The following CDH18 variants were observed in gnomAD, a reference collection of about 807,000 sequenced individuals.
CDH18 encodes cadherin 18.
In CDH18, 31 loss-of-function variants were observed where a neutral mutation model predicts 67.9. That is an observed-to-expected ratio of 0.46 (90% CI 0.34 to 0.62). The LOEUF is 0.62. Among genes scored for constraint, CDH18 ranks in the 20% least tolerant of loss-of-function variants. The probability of loss-of-function intolerance (pLI) is 0.01; values close to 1 mark genes in which losing one functional copy is unlikely to be tolerated. For synonymous variants in CDH18, 362 were observed against 347.2 expected (o/e 1.04, Z -0.48); for missense variants, 890 against 975.5 (o/e 0.91, Z 1.17).
chr5:20,211,905 G>A (rs1051413003), intron 2 of CDH18, among the ~76,000 whole-genome samples: 1 of 152,086 alleles, frequency 6.6e-6, no homozygotes, highest in Admixed American at 6.6e-5. Context: ...TACCAGCAAT[G>A]GAACAGAGCT....
At chr5:20,522,551 C>T (rs960553953) in intron 1 of CDH18, among the ~76,000 whole-genome samples, 2 of 152,170 alleles carry the variant, frequency 1.3e-5, no homozygotes, top group East Asian at 3.9e-4. Context: ...TATGAATTAT[C>T]CAAAGGGAAT....
At chr5:20,442,175 C>T (rs10069569) in intron 1 of CDH18, among the ~76,000 whole-genome samples, 5,777 of 151,844 alleles carry the variant, frequency 0.038, 495 homozygotes, top group African/African-American at 0.13. Context: ...CCTGGTAACA[C>T]GGTTGGCTTA....
chr5:20,378,250 A>G (rs1399432819), intron 1 of CDH18, among the ~76,000 whole-genome samples: 1 of 152,008 alleles, frequency 6.6e-6, no homozygotes, highest in African/African-American at 2.4e-5. Context: ...CGGCTCCCTG[A>G]AAGCTCCGCC....
At chr5:19,809,035 T>G (rs938225581) in intron 3 of CDH18, among the ~76,000 whole-genome samples, 2 of 152,034 alleles carry the variant, frequency 1.3e-5, no homozygotes, top group African/African-American at 4.8e-5. Flanking sequence ...AAAATATTAT[T>G]TAATACAAAT....
intron 3 of CDH18, among the ~76,000 whole-genome samples, chr5:19,756,599 T>C (rs546542962): frequency 6.6e-6 from 1 of 152,232 alleles, no homozygotes; most frequent in Non-Finnish European, 1.5e-5. Flanking sequence ...AGTAGTGGAC[T>C]GATTTCATCT....
At chr5:20,434,035 C>T (rs888098390) in intron 1 of CDH18, among the ~76,000 whole-genome samples, 1 of 152,060 alleles carries the variant, frequency 6.6e-6, no homozygotes, top group Non-Finnish European at 1.5e-5. Context: ...CTCCCTGGTA[C>T]TAGGAATGTT....
At chr5:19,979,273 T>C (rs1286209786) in intron 2 of CDH18, among the ~76,000 whole-genome samples, 1 of 151,522 alleles carries the variant, frequency 6.6e-6, no homozygotes, top group Non-Finnish European at 1.5e-5. Flanking sequence ...CTTGGGATAG[T>C]TGTATGAAGG....
rs556911122 is a variant in CDH18 at position 19,633,838 on chromosome 5, C to T, written c.644-21237G>A. Among the ~76,000 whole-genome samples, 210 of 152,144 alleles carry T rather than the reference C, an allele frequency of 1.4e-3. 3 individuals carry two copies. Among genetic ancestry groups the T allele is most frequent in the Admixed American group, 0.014 (207 of 15,270 alleles). Reference sequence around the variant, plus strand: ...GTAGAGAAGGGGTTTCATCATGTTGCCCAGGCTGGCCTCGAACTCCTGAGC... The same window carrying T: ...GTAGAGAAGGGGTTTCATCATGTTGTCCAGGCTGGCCTCGAACTCCTGAGC... On this transcript the variant is annotated intron_variant, in intron 5 of 12. Transcript: ENST00000382275.
chr5:20,018,223 T>C (rs10473275), intron 2 of CDH18, among the ~76,000 whole-genome samples: 5,326 of 152,312 alleles, frequency 0.035, 313 homozygotes, highest in African/African-American at 0.12. Context: ...GATTAATGCA[T>C]TGTAAATCCA....
rs1175439813 is a variant in CDH18, at chr5:19,507,620, C to CTGGA, written c.1513-4515_1513-4512dup. 3.0e-4 allele frequency among the ~76,000 whole-genome samples: 45 copies of CTGGA among 152,178 alleles called. 1 individual carries two copies. Among genetic ancestry groups the CTGGA allele is most frequent in the Admixed American group, 2.4e-3 (37 of 15,260 alleles). On this transcript the variant is annotated intron_variant, in intron 10 of 12. Coordinates refer to ENST00000382275, the MANE Select transcript of CDH18 (RefSeq NM_004934.5). ...GTCCTTTGTAGGGACATGGATGAAG[C>CTGGA]TGGAAACCGTCATTCTGAGCAAACT...
At chr5:19,591,820 T>C (rs1745189484) in intron 6 of CDH18, among the ~76,000 whole-genome samples, 1 of 152,084 alleles carries the variant, frequency 6.6e-6, no homozygotes, top group Admixed American at 6.6e-5. Context: ...AAAAAGGATT[T>C]GAGGTGGCTT....
chr5:20,155,289 C>A (rs1347768216), intron 2 of CDH18, among the ~76,000 whole-genome samples: 1 of 152,060 alleles, frequency 6.6e-6, no homozygotes, highest in Non-Finnish European at 1.5e-5. Context: ...CCTCTCAAAG[C>A]AAATTTGTGT....
At chr5:20,317,941 G>T (rs1350414721) in intron 1 of CDH18, among the ~76,000 whole-genome samples, 1 of 152,130 alleles carries the variant, frequency 6.6e-6, no homozygotes, top group Non-Finnish European at 1.5e-5. Flanking sequence ...AACTAATTTT[G>T]TAAACTGCTG....
chr5:20,534,289 TG>T (rs928592395), intron 1 of CDH18, among the ~76,000 whole-genome samples: 11 of 152,096 alleles, frequency 7.2e-5, no homozygotes, highest in African/African-American at 2.7e-4. Context: ...TACAAGTAAG[TG>T]CTTCTTTCAT....
At chr5:20,055,990 C>CTTTTT (rs34736791) in intron 2 of CDH18, among the ~76,000 whole-genome samples, 159 of 73,820 alleles carry the variant, frequency 2.2e-3, no homozygotes, top group Middle Eastern at 9.8e-3. Flanking sequence ...TTTTGGTTTC[C>CTTTTT]TTTTTTTTTT....
At chr5:19,735,276 T>G (rs1768151530) in intron 4 of CDH18, among the ~76,000 whole-genome samples, 1 of 152,186 alleles carries the variant, frequency 6.6e-6, no homozygotes, top group Non-Finnish European at 1.5e-5. Context: ...CTGATCCCAG[T>G]GTATTTTTAG....
At chr5:19,908,757 C>A (rs965549436) in intron 2 of CDH18, among the ~76,000 whole-genome samples, 8 of 152,100 alleles carry the variant, frequency 5.3e-5, no homozygotes, top group African/African-American at 1.9e-4. Context: ...TGAGGATGAA[C>A]ATTCATAATG....
chr5:19,786,341 C>G (rs1447411236), intron 3 of CDH18, among the ~76,000 whole-genome samples: 5 of 152,074 alleles, frequency 3.3e-5, no homozygotes, highest in African/African-American at 1.2e-4. Context: ...TTTCTAAAAG[C>G]AGTGCACCCC....
At chr5:20,141,446 C>A (rs187341663) in intron 2 of CDH18, among the ~76,000 whole-genome samples, 2 of 152,046 alleles carry the variant, frequency 1.3e-5, no homozygotes, top group Non-Finnish European at 2.9e-5. Flanking sequence ...ATTTATGACT[C>A]GTGATGGCAT....
Sources: gnomAD v4.1 joint callset for allele counts (sites outside exome capture counted in the v4.1 genomes callset) on GRCh38, gnomAD v4.1.1 for gene constraint, MANE v1.5 for transcripts, NCBI Gene and HGNC (gene_info 2026-07-23, HGNC 2026-07-21) for gene names.